MGAT4C: variants seen among roughly 807,000 people sequenced by gnomAD.
MGAT4C encodes the protein alpha-1,3-mannosyl-glycoprotein 4-beta-N-acetylglucosaminyltransferase C.
A neutral mutation model predicts 40.1 loss-of-function variants in MGAT4C; 19 were observed. The observed-to-expected ratio is 0.47, with a 90% confidence interval of 0.33 to 0.70. The LOEUF (loss-of-function observed/expected upper bound fraction) is 0.70, where lower values mean the gene tolerates loss of function less well. MGAT4C is among the 30% of genes least tolerant of loss of function. MGAT4C has a pLI of 0.02. For missense variants in MGAT4C, 491 were observed against 563.2 expected (o/e 0.87, Z 1.30); for synonymous variants, 181 against 187.1 (o/e 0.97, Z 0.27).
chr12:85,989,324 T>C (rs1885613078), intron 3 of MGAT4C, 76 bp downstream of exon 3: 12 of 1,337,792 alleles, frequency 9.0e-6, no homozygotes, highest in Middle Eastern at 2.2e-4. Flanking sequence ...AGATTGAAGT[T>C]AGGCTACAAT....
At chr12:86,244,395 A>G (rs900201750) in intron 1 of MGAT4C, among the ~76,000 whole-genome samples, 5 of 152,164 alleles carry the variant, frequency 3.3e-5, no homozygotes, top group Non-Finnish European at 5.9e-5. Context: ...AAGTAGCTTT[A>G]TCTCTCACCT....
intron 1 of MGAT4C, among the ~76,000 whole-genome samples, chr12:86,078,164 A>G (rs972739026): frequency 6.6e-6 from 1 of 152,052 alleles, no homozygotes; most frequent in Non-Finnish European, 1.5e-5. Context: ...ACAATATTAT[A>G]TATTGGATGC....
chr12:86,047,876 T>G (rs1892545878), intron 2 of MGAT4C, among the ~76,000 whole-genome samples: 1 of 152,094 alleles, frequency 6.6e-6, no homozygotes, highest in East Asian at 1.9e-4. Context: ...AGAGTAGAAC[T>G]TCAAGTCTCG....
Position 86,237,066 on chromosome 12 carries a change from G to T in MGAT4C, c.-57+19173C>A, listed in dbSNP as rs185275520. On this transcript the variant is annotated intron_variant, in intron 1 of 4. Transcript: ENST00000611864. ...TTACATATATTTAGTGAGGAAAGGT[G>T]GGGGAGAGAGAGAGAAGCAAGAATG... Among the ~76,000 whole-genome samples the T allele has an allele frequency of 3.3e-3, 502 of 151,056 alleles. 1 individual carries two copies. The highest frequency in any genetic ancestry group is 0.012 in the African/African-American group (481 of 41,336).
chr12:86,045,841 C>A (rs77974258), intron 2 of MGAT4C, among the ~76,000 whole-genome samples: 11 of 152,236 alleles, frequency 7.2e-5, no homozygotes, highest in African/African-American at 2.6e-4. Context: ...CACAAAATTC[C>A]ATCTCAAGTA....
At chr12:86,094,591 C>G (rs1873552377) in intron 1 of MGAT4C, among the ~76,000 whole-genome samples, 1 of 152,082 alleles carries the variant, frequency 6.6e-6, no homozygotes, top group Non-Finnish European at 1.5e-5. Flanking sequence ...TTTTAAATCT[C>G]TTTTATTATT....
At chr12:86,419,370 T>G (rs1956779188) in intron 3 of MGAT4C, among the ~76,000 whole-genome samples, 1 of 151,522 alleles carries the variant, frequency 6.6e-6, no homozygotes, top group Non-Finnish European at 1.5e-5. Flanking sequence ...TCAGCCTCTT[T>G]GAGATATACA....
chr12:86,114,584 G>A (rs932150734), intron 1 of MGAT4C, among the ~76,000 whole-genome samples: 3 of 151,578 alleles, frequency 2.0e-5, no homozygotes, highest in Non-Finnish European at 2.9e-5. Context: ...TAGACAGTAT[G>A]TTAAATGCTT....
At chr12:86,758,590 A>G (rs1442369525) in intron 1 of MGAT4C, among the ~76,000 whole-genome samples, 2 of 152,062 alleles carry the variant, frequency 1.3e-5, no homozygotes, top group East Asian at 3.9e-4. Flanking sequence ...TATTCAGATA[A>G]GTGCCAAAAT....
intron 3 of MGAT4C, among the ~76,000 whole-genome samples, chr12:86,393,898 T>C (rs746353547): frequency 7.2e-5 from 11 of 152,280 alleles, no homozygotes; most frequent in Admixed American, 1.3e-4. Flanking sequence ...GCCAATCGTG[T>C]CCCTCACCTT....
chr12:86,546,197 C>T (rs1959192131), intron 2 of MGAT4C, among the ~76,000 whole-genome samples: 1 of 151,816 alleles, frequency 6.6e-6, no homozygotes, highest in Non-Finnish European at 1.5e-5. Context: ...TTGCTTTATT[C>T]TTTCATATTG....
chr12:86,297,398 C>T (rs1953708062), intron 4 of MGAT4C, among the ~76,000 whole-genome samples: 1 of 152,128 alleles, frequency 6.6e-6, no homozygotes, highest in South Asian at 2.1e-4. Context: ...TATATATTTA[C>T]ACAAAATGTT....
At chr12:86,552,094 C>T (rs1369203941) in intron 2 of MGAT4C, among the ~76,000 whole-genome samples, 1 of 148,482 alleles carries the variant, frequency 6.7e-6, no homozygotes, top group Non-Finnish European at 1.5e-5. Context: ...TAATAGACCT[C>T]AATCATAAGG....
intron 2 of MGAT4C, among the ~76,000 whole-genome samples, chr12:86,702,093 G>A (rs1950372855): frequency 6.6e-6 from 1 of 152,090 alleles, no homozygotes; most frequent in Non-Finnish European, 1.5e-5. Context: ...CATGACCACA[G>A]CTCATACAGC....
intron 1 of MGAT4C, among the ~76,000 whole-genome samples, chr12:86,826,247 T>A (rs192554522): frequency 3.3e-5 from 5 of 151,434 alleles, no homozygotes; most frequent in Non-Finnish European, 5.9e-5. Context: ...CTCCCCAGTA[T>A]AGGCATCCAA....
In MGAT4C at chr12:86,081,806, C is replaced by T. The variant is rs1432128119; in HGVS notation, c.-56-32083G>A. On this transcript the variant is annotated intron_variant, in intron 1 of 4. Transcript: ENST00000611864. ...ATAAGGCCAACTATCTGGAAATATC[C>T]CCCCGTTGTCCTAAGATATAACATT... 3.9e-5 allele frequency among the ~76,000 whole-genome samples: 6 copies of T among 152,156 alleles called. No homozygotes were observed. The East Asian group carries it at 1.2e-3, about 29-fold the overall frequency.
At chr12:86,226,713 C>T (rs1322822011) in intron 1 of MGAT4C, among the ~76,000 whole-genome samples, 1 of 151,932 alleles carries the variant, frequency 6.6e-6, no homozygotes, top group Non-Finnish European at 1.5e-5. Flanking sequence ...ACTTTATGAT[C>T]TGATTTCATC....
intron 2 of MGAT4C, among the ~76,000 whole-genome samples, chr12:86,593,067 T>G (rs567940879): frequency 1.2e-4 from 19 of 152,212 alleles, no homozygotes; most frequent in African/African-American, 4.6e-4. Flanking sequence ...ATTCTCAACA[T>G]TTGTACTTTT....
chr12:86,325,106 T>C (rs1309160723), intron 4 of MGAT4C, among the ~76,000 whole-genome samples: 1 of 152,138 alleles, frequency 6.6e-6, no homozygotes, highest in Non-Finnish European at 1.5e-5. Flanking sequence ...GAACAACAAT[T>C]TGAAGCTACT....
Sources: gnomAD v4.1 joint callset for allele counts (sites outside exome capture counted in the v4.1 genomes callset) on GRCh38, gnomAD v4.1.1 for gene constraint, MANE v1.5 for transcripts, NCBI Gene and HGNC (gene_info 2026-07-23, HGNC 2026-07-21) for gene names.